BET1: variants seen among roughly 807,000 people sequenced by gnomAD.
BET1 encodes BET1 homolog.
A neutral mutation model predicts 13.9 loss-of-function variants in BET1; 9 were observed. The observed-to-expected ratio is 0.65, with a 90% confidence interval of 0.39 to 1.13. BET1 has a LOEUF of 1.13. BET1 is among the 50% of genes most tolerant of loss of function. BET1 has a pLI of 0.01. For missense variants in BET1, 127 were observed against 133.6 expected (o/e 0.95, Z 0.24); for synonymous variants, 39 against 47.3 (o/e 0.82, Z 0.72).
At chr7:93,986,103 C>T (rs1661580910) in intron 4 of BET1, among the ~76,000 whole-genome samples, 1 of 152,110 alleles carries the variant, frequency 6.6e-6, no homozygotes, top group Admixed American at 6.6e-5. Context: ...ACCAGAAAAA[C>T]AAATCTGTTC....
At chr7:93,988,835 T>C (rs1795574248), downstream of BET1, among the ~76,000 whole-genome samples, 1 of 151,518 alleles carries the variant, frequency 6.6e-6, no homozygotes, top group African/African-American at 2.4e-5. Flanking sequence ...CTTTTCATTT[T>C]TGCCAACACA....
At chr7:93,966,392 T>C (rs1795173247) in intron 6 of BET1, among the ~76,000 whole-genome samples, 1 of 152,028 alleles carries the variant, frequency 6.6e-6, no homozygotes, top group South Asian at 2.1e-4. Context: ...TTTAATGAAT[T>C]TGAACAATAT....
intron 5 of BET1, among the ~76,000 whole-genome samples, chr7:93,974,175 G>C (rs988062704): frequency 6.6e-6 from 1 of 151,942 alleles, no homozygotes; most frequent in Non-Finnish European, 1.5e-5. Context: ...TGGAATTGTA[G>C]ATATCAATAT....
At chr7:93,988,505 G>A (rs1315939128), downstream of BET1, among the ~76,000 whole-genome samples, 1 of 152,114 alleles carries the variant, frequency 6.6e-6, no homozygotes, top group African/African-American at 2.4e-5. Flanking sequence ...AAATATGCAT[G>A]CTTATATTAA....
downstream of BET1, among the ~76,000 whole-genome samples, chr7:93,989,851 G>T (rs1257575552): frequency 3.9e-5 from 6 of 152,112 alleles, no homozygotes; most frequent in Non-Finnish European, 7.4e-5. Context: ...AAATTATTTA[G>T]CCATGAGAAA....
At position 93,994,031 on chromosome 7, in the gene BET1, C is replaced by T; in HGVS notation, c.*199G>A. The T allele has an allele frequency of 8.8e-6, 13 of 1,480,426 alleles. No individual in the cohort carries two copies. In the Middle Eastern group the frequency reaches 2.2e-3, roughly 248 times the overall value. 91.7% of individuals were successfully genotyped at this position (1,480,426 alleles called of 1,614,324 possible). On this transcript the variant is annotated 3_prime_UTR_variant, in exon 4 of 4. Transcript: ENST00000222547. The stretch of plus-strand genomic sequence containing the variant: ...CTCTCACTACCCCTGAAAATAGGGG[C>T]TAAAATGAGTCATTAAGAAACAGTA...
At chr7:93,976,343 ATT>A (rs1795335542) in intron 4 of BET1, among the ~76,000 whole-genome samples, 1 of 116,680 alleles carries the variant, frequency 8.6e-6, no homozygotes, top group African/African-American at 4.0e-5. Context: ...ATATCTACTT[ATT>A]GTGTGTGTGT....
intron 1 of BET1, 136 bp from the exon 2 acceptor site, chr7:93,999,430 T>C: frequency 8.8e-7 from 1 of 1,130,746 alleles, no homozygotes; most frequent in Non-Finnish European, 1.2e-6. Flanking sequence ...TCCAAATGAA[T>C]TTAAAAAATA....
intron 6 of BET1, among the ~76,000 whole-genome samples, chr7:93,970,263 G>T (rs911644993): frequency 1.3e-5 from 2 of 151,688 alleles, no homozygotes; most frequent in East Asian, 3.9e-4. Context: ...CAGAAAACAG[G>T]GTTGCCTCTT....
chr7:94,004,144 C>G, intron 1 of BET1, 54 bp downstream of exon 1: 1 of 1,613,730 alleles, frequency 6.2e-7, no homozygotes, highest in Non-Finnish European at 8.5e-7. Context: ...CCTCCCGCGC[C>G]CCAGCGCTCC....
intron 2 of BET1, among the ~76,000 whole-genome samples, chr7:93,996,710 A>C (rs2116125452): frequency 6.7e-6 from 1 of 149,136 alleles, no homozygotes; most frequent in East Asian, 1.9e-4. Flanking sequence ...ATTATATTTT[A>C]TAAATTATAT....
In BET1 at chr7:94,004,352, C is replaced by T. The variant is rs1283759633; in HGVS notation, c.-136G>A. 8.2e-7 allele frequency: 1 copy of T among 1,216,418 alleles called. No homozygotes were observed. The highest frequency in any genetic ancestry group is 1.2e-6 in the Non-Finnish European group (1 of 833,726). The allele number at this position is 1,216,418 out of a possible 1,614,324, so 75.4% of individuals were successfully genotyped here. A position where few individuals can be genotyped will look rare whatever the true frequency, so the allele number is the denominator to read the frequency against. On this transcript the variant is annotated 5_prime_UTR_variant, in exon 1 of 4. Transcript: ENST00000222547. ...TTCTTCCCCTAAAGCGCCACGACAT[C>T]AGTGGAGTCTAAACACCGCGCCGGA...
At chr7:93,982,113 C>T (rs1021217220) in intron 4 of BET1, among the ~76,000 whole-genome samples, 11 of 151,994 alleles carry the variant, frequency 7.2e-5, no homozygotes, top group African/African-American at 2.7e-4. Context: ...ATGTCATAAT[C>T]TGCTAAAGGC....
At chr7:93,965,166 C>T (rs1358328386) in exon 7 of BET1, 1 of 152,046 alleles carries the variant, frequency 6.6e-6, no homozygotes, top group Admixed American at 6.6e-5. Flanking sequence ...TGCTGGCCTC[C>T]AGAAGCCTAA....
Position 93,993,898 on chromosome 7 carries a change from A to C in BET1, c.*332T>G. 6.5e-7 allele frequency: 1 copy of C among 1,535,888 alleles called. No individual in the cohort carries two copies. The highest frequency in any genetic ancestry group is 8.7e-7 in the Non-Finnish European group (1 of 1,146,782). On this transcript the variant is annotated 3_prime_UTR_variant, in exon 4 of 4. Coordinates refer to ENST00000222547, the MANE Select transcript of BET1 (RefSeq NM_005868.6). ...TTACTCTCCCACTAAGTTTCCTTAC[A>C]TGGGACATAAACCTGCATTTATGAT...
rs75561716 is a variant in BET1 at position 94,004,287 on chromosome 7, G to A, written c.-71C>T. The stretch of plus-strand genomic sequence containing the variant: ...AGTAGGAAACAGCTAGGGGCGACCC[G>A]GACCGCGTCTTCAGTACCAGGGCCC... On this transcript the variant is annotated 5_prime_UTR_variant, in exon 1 of 4. Transcript: ENST00000222547. 977 of 1,603,372 alleles carry A rather than the reference G, an allele frequency of 6.1e-4. 3 individuals are homozygous for A. The African/African-American group carries it at 0.012, about 19-fold the overall frequency.
chr7:93,991,317 C>T (rs1795629131), downstream of BET1, among the ~76,000 whole-genome samples: 1 of 152,130 alleles, frequency 6.6e-6, no homozygotes, highest in Non-Finnish European at 1.5e-5. Flanking sequence ...AGTTAATTCA[C>T]CAGTTAATTT....
At chr7:93,980,231 T>G (rs906009858) in intron 4 of BET1, among the ~76,000 whole-genome samples, 9 of 152,018 alleles carry the variant, frequency 5.9e-5, no homozygotes, top group African/African-American at 1.4e-4. Context: ...CTTCTCAAAC[T>G]CCCTCAGAAA....
At chr7:93,967,207 T>C (rs1310067411) in intron 6 of BET1, among the ~76,000 whole-genome samples, 1 of 151,878 alleles carries the variant, frequency 6.6e-6, no homozygotes, top group African/African-American at 2.4e-5. Context: ...ATGCTTTAGA[T>C]TTCCATCCCA....
Sources: gnomAD v4.1 joint callset for allele counts (sites outside exome capture counted in the v4.1 genomes callset) on GRCh38, gnomAD v4.1.1 for gene constraint, MANE v1.5 for transcripts, NCBI Gene and HGNC (gene_info 2026-07-23, HGNC 2026-07-21) for gene names.